The following PTGFR variants were observed in gnomAD, a reference collection of about 807,000 sequenced individuals.
PTGFR encodes prostaglandin F receptor, also known as prostaglandin F2-alpha receptor.
Under a neutral mutation model 26.2 loss-of-function variants are expected in PTGFR, and 15 were observed. The ratio of observed to expected loss-of-function variants is 0.57; its 90% confidence interval spans 0.38 to 0.88. The LOEUF (loss-of-function observed/expected upper bound fraction) is 0.88. Among genes scored for constraint, PTGFR ranks in the 40% least tolerant of loss-of-function variants. PTGFR has a pLI of 0.00. For missense variants in PTGFR, 369 were observed against 427.2 expected, an observed-to-expected ratio of 0.86 and a Z score of 1.20; for synonymous variants, 165 against 151.1, an observed-to-expected ratio of 1.09 and a Z score of -0.68.
At chr1:78,498,968 C>CA (rs1649629301) in intron 2 of PTGFR, among the ~76,000 whole-genome samples, 1 of 152,090 alleles carries the variant, frequency 6.6e-6, no homozygotes, top group African/African-American at 2.4e-5. Context: ...CTCAACAACT[C>CA]AAAATTCATA....
intron 2 of PTGFR, among the ~76,000 whole-genome samples, chr1:78,519,082 C>T (rs1039751110): frequency 5.3e-5 from 8 of 152,128 alleles, no homozygotes; most frequent in African/African-American, 1.9e-4. Flanking sequence ...ATTTATAAGG[C>T]ACTTACTATA....
At chr1:78,511,071 T>A (rs2100370087) in intron 2 of PTGFR, among the ~76,000 whole-genome samples, 1 of 152,328 alleles carries the variant, frequency 6.6e-6, no homozygotes, top group South Asian at 2.1e-4. Context: ...GCTGCTCCCA[T>A]GGGTTGGAGT....
Position 78,538,750 on chromosome 1 carries a change from T to G in PTGFR, c.*2063T>G, listed in dbSNP as rs1487286963. 1 of 152,096 alleles carries G rather than the reference T, an allele frequency of 6.6e-6. No individual in the cohort carries two copies. Among genetic ancestry groups the G allele is most frequent in the Admixed American group, 6.6e-5 (1 of 15,230 alleles). 9.4% of individuals were successfully genotyped at this position (152,096 alleles called of 1,614,324 possible). ...CATAAATGTTCAAAATAGAAGTGTA[T>G]TTTTTCAGGTTTCTGGAAATAAATA... is the stretch of plus-strand genomic sequence containing the variant. On this transcript the variant is annotated 3_prime_UTR_variant, in exon 3 of 3. Coordinates refer to ENST00000370757, the MANE Select transcript of PTGFR (RefSeq NM_000959.4).
chr1:78,505,315 G>T (rs1649802732), intron 2 of PTGFR, among the ~76,000 whole-genome samples: 1 of 151,404 alleles, frequency 6.6e-6, no homozygotes. Context: ...TAGAGATGAG[G>T]TTTCACCACG....
intron 2 of PTGFR, among the ~76,000 whole-genome samples, chr1:78,533,615 CT>C (rs1237582686): frequency 6.6e-6 from 1 of 152,210 alleles, no homozygotes; most frequent in Non-Finnish European, 1.5e-5. Context: ...CTCAAAACTA[CT>C]TGCTGCTGGA....
At chr1:78,501,195 A>T (rs534881104) in intron 2 of PTGFR, among the ~76,000 whole-genome samples, 1 of 152,358 alleles carries the variant, frequency 6.6e-6, no homozygotes, top group Non-Finnish European at 1.5e-5. Flanking sequence ...GCTCCAAAAC[A>T]TTTGAAGAAC....
intron 2 of PTGFR, among the ~76,000 whole-genome samples, chr1:78,519,536 T>C (rs930003910): frequency 1.3e-5 from 2 of 152,076 alleles, no homozygotes; most frequent in African/African-American, 4.8e-5. Flanking sequence ...TAAAATTCAG[T>C]AGTAACGTAT....
chr1:78,491,643 G>A (rs760689293), intron 1 of PTGFR, among the ~76,000 whole-genome samples: 12 of 152,236 alleles, frequency 7.9e-5, no homozygotes, highest in Non-Finnish European at 1.5e-4. Context: ...AGTTTGGAGG[G>A]AATGTTGCGA....
At chr1:78,515,649 C>T (rs188254758) in intron 2 of PTGFR, among the ~76,000 whole-genome samples, 12 of 152,238 alleles carry the variant, frequency 7.9e-5, no homozygotes, top group Admixed American at 3.3e-4. Flanking sequence ...TAATATTCTC[C>T]AAGAAATCTG....
rs556132872 is a variant in PTGFR at position 78,494,477 on chromosome 1, G to A, written c.798+936G>A. 4.6e-5 allele frequency among the ~76,000 whole-genome samples: 7 copies of A among 152,314 alleles called. No individual in the cohort carries two copies. In the East Asian group the frequency reaches 1.2e-3, roughly 25 times the overall value. The stretch of plus-strand genomic sequence containing the variant: ...CATCCAGAGATAGCAATCCAGGTGG[G>A]GTGGAAGTAAGACAAAGGTAGTGGT... On this transcript the variant is annotated intron_variant, in intron 2 of 2. Coordinates refer to ENST00000370757, the MANE Select transcript of PTGFR (RefSeq NM_000959.4).
intron 2 of PTGFR, among the ~76,000 whole-genome samples, chr1:78,494,566 G>T (rs1197431823): frequency 6.6e-6 from 1 of 152,174 alleles, no homozygotes; most frequent in Non-Finnish European, 1.5e-5. Context: ...CTCCAAACAG[G>T]CTCATTGCCC....
At chr1:78,524,692 G>A (rs1259716062) in intron 2 of PTGFR, among the ~76,000 whole-genome samples, 9 of 151,946 alleles carry the variant, frequency 5.9e-5, no homozygotes, top group South Asian at 2.1e-4. Flanking sequence ...TCCCAGCTAC[G>A]ATACTAAATG....
At chr1:78,509,787 A>G (rs1001126092) in intron 2 of PTGFR, among the ~76,000 whole-genome samples, 1 of 152,208 alleles carries the variant, frequency 6.6e-6, no homozygotes, top group African/African-American at 2.4e-5. Context: ...GCTTATTCAT[A>G]TAGTTTTACA....
intron 2 of PTGFR, among the ~76,000 whole-genome samples, chr1:78,518,380 T>A (rs1346046483): frequency 1.3e-5 from 2 of 152,182 alleles, no homozygotes; most frequent in South Asian, 4.1e-4. Context: ...ATTACTCTTT[T>A]ATTATTTCTT....
Position 78,492,804 on chromosome 1 carries a change from A to G in PTGFR, c.61A>G (p.Thr21Ala). The part of the protein sequence containing the change: ...SPAAALLSNT[T>A]CQTENRLSVF... ...TGCAGCTGCGCTTCTTTCAAACACAACCTGCCAGACGGAAAACCGGCTTTC... is the reference window on the plus strand; with the variant it reads ...TGCAGCTGCGCTTCTTTCAAACACAGCCTGCCAGACGGAAAACCGGCTTTC... Residue 21 changes from threonine to alanine, a missense_variant, in exon 2 of 3, where the codon ACC (threonine) becomes GCC (alanine). Thr to Ala is a moderately conservative substitution (Grantham distance 58). Transcript: ENST00000370757. 1.2e-6 allele frequency: 2 copies of G among 1,614,108 alleles called. No homozygotes were observed. The highest frequency in any genetic ancestry group is 1.7e-6 in the Non-Finnish European group (2 of 1,180,026).
intron 2 of PTGFR, among the ~76,000 whole-genome samples, chr1:78,511,004 G>A (rs1649954600): frequency 6.6e-6 from 1 of 152,212 alleles, no homozygotes; most frequent in Non-Finnish European, 1.5e-5. Flanking sequence ...TAAGAGGTAG[G>A]CTCCCAAGGG....
intron 2 of PTGFR, among the ~76,000 whole-genome samples, chr1:78,522,405 C>T (rs1206333373): frequency 1.9e-4 from 29 of 151,998 alleles, no homozygotes; most frequent in Admixed American, 1.9e-3. Context: ...ATTATATTCA[C>T]AGGTTCCAGG....
intron 2 of PTGFR, chr1:78,498,012 T>A: frequency 2.5e-6 from 3 of 1,184,188 alleles, no homozygotes; most frequent in Non-Finnish European, 3.7e-6. Flanking sequence ...CTAAGGTTAC[T>A]CTTATGCTAA....
intron 2 of PTGFR, among the ~76,000 whole-genome samples, chr1:78,533,768 A>G (rs905248595): frequency 6.6e-5 from 10 of 152,228 alleles, no homozygotes; most frequent in Non-Finnish European, 2.9e-5. Context: ...GATAACATCC[A>G]GAATAAAACC....
Sources: allele counts gnomAD v4.1 joint callset (sites outside exome capture counted in the v4.1 genomes callset), GRCh38; gene constraint gnomAD v4.1.1; transcripts MANE v1.5; gene names NCBI Gene and HGNC (gene_info 2026-07-23, HGNC 2026-07-21).